Variants in WASHC2A observed in about 807,000 individuals in gnomAD.
The protein encoded by WASHC2A is WASH complex subunit 2A, also known as WASH complex subunit FAM21A.
WASHC2A carries 82 observed loss-of-function variants against 140.3 expected under a neutral mutation model. That is an observed-to-expected ratio of 0.58 (90% confidence interval 0.49 to 0.70). WASHC2A has a LOEUF of 0.70. Ranked by LOEUF, WASHC2A falls within the 30% of genes least tolerant of loss-of-function variation. The pLI is 0.00. For missense variants in WASHC2A, 985 were observed against 1,521.8 expected (o/e 0.65, Z 5.87); for synonymous variants, 340 against 560.8 (o/e 0.61, Z 5.56).
intron 21 of WASHC2A, among the ~76,000 whole-genome samples, chr10:50,114,471 A>G (rs1842529393): frequency 7.6e-6 from 1 of 131,758 alleles, no homozygotes; most frequent in African/African-American, 2.8e-5. Flanking sequence ...GTGGAATACT[A>G]TACAGTGGTA....
intron 28 of WASHC2A, 69 bp from the exon 29 acceptor site, chr10:50,129,350 T>G (rs1843725316): frequency 6.2e-7 from 1 of 1,611,882 alleles, no homozygotes; most frequent in Admixed American, 1.7e-5. Flanking sequence ...AGTCACTGAT[T>G]CTTTGCCATG....
chr10:50,131,981 ATGTT>A (rs1273500629), intron 30 of WASHC2A, among the ~76,000 whole-genome samples: 1 of 152,252 alleles, frequency 6.6e-6, no homozygotes, highest in Non-Finnish European at 1.5e-5. Context: ...ATATTAATAT[ATGTT>A]TGTGTACACA....
At chr10:50,087,599 CA>C (rs1381539444) in intron 8 of WASHC2A, among the ~76,000 whole-genome samples, 1 of 152,016 alleles carries the variant, frequency 6.6e-6, no homozygotes, top group African/African-American at 2.4e-5. Flanking sequence ...CTCAGTTACC[CA>C]AACTGAACTA....
intron 17 of WASHC2A, among the ~76,000 whole-genome samples, chr10:50,102,464 A>T: frequency 6.6e-6 from 1 of 152,108 alleles, no homozygotes; most frequent in Admixed American, 6.5e-5. Flanking sequence ...TCATTTTCTT[A>T]GAACAGCAGA....
At position 50,129,831 on chromosome 10, in the gene WASHC2A, C is replaced by G; in HGVS notation, c.3500C>G (p.Ala1167Gly). The G allele has an allele frequency of 6.2e-7, 1 of 1,612,050 alleles. No individual in the cohort carries two copies. The change falls in exon 29 of 31, where the codon GCA (alanine) becomes GGA (glycine). Residue 1167 changes from alanine to glycine, a missense_variant. Physicochemically the swap from Ala to Gly is moderately conservative, Grantham distance 60 (BLOSUM62 0). Coordinates refer to ENST00000282633, the MANE Select transcript of WASHC2A (RefSeq NM_001005751.3). The stretch of plus-strand genomic sequence containing the variant: ...GCCAACCCACCAGTGGGTGGTAAAG[C>G]AAAGAGCCCCATGTTTCCTGCTCTA... ...NPANPPVGGK[A>G]KSPMFPALGE...
intron 21 of WASHC2A, among the ~76,000 whole-genome samples, chr10:50,114,504 A>G (rs1842532634): frequency 7.6e-6 from 1 of 131,124 alleles, no homozygotes; most frequent in Non-Finnish European, 1.7e-5. Flanking sequence ...GGTGGAGCTT[A>G]TTGGGATGAA....
At chr10:50,090,516 A>ATATATATATATATT (rs1839819205) in intron 8 of WASHC2A, among the ~76,000 whole-genome samples, 1 of 42,306 alleles carries the variant, frequency 2.4e-5, no homozygotes, top group Non-Finnish European at 4.8e-5. Context: ...AAAAAAAAAA[A>ATATATATATATATT]TATATATATA....
intron 3 of WASHC2A, among the ~76,000 whole-genome samples, chr10:50,071,694 C>T (rs1837840461): frequency 6.7e-6 from 1 of 148,850 alleles, no homozygotes; most frequent in Non-Finnish European, 1.5e-5. Flanking sequence ...AAATGGGGAA[C>T]ATCATACAAT....
At chr10:50,109,032 C>G (rs1222262841) in intron 19 of WASHC2A, among the ~76,000 whole-genome samples, 5 of 150,938 alleles carry the variant, frequency 3.3e-5, no homozygotes, top group South Asian at 2.1e-4. Flanking sequence ...AGCGTTTAGT[C>G]ACTGCTAAAC....
chr10:50,114,379 G>T (rs1842520018), intron 21 of WASHC2A, among the ~76,000 whole-genome samples: 1 of 92,390 alleles, frequency 1.1e-5, no homozygotes. Context: ...ATTCTCACAT[G>T]TGCTACAAAA....
intron 27 of WASHC2A, 120 bp from the exon 28 acceptor site, chr10:50,127,463 A>G: frequency 1.2e-6 from 2 of 1,608,746 alleles, no homozygotes; most frequent in South Asian, 1.1e-5. Flanking sequence ...CGATTTTCCT[A>G]CGTTTCTCTA....
chr10:50,067,995 G>A lies in WASHC2A; in HGVS notation c.-11G>A, dbSNP rs550575227. Reference sequence around the variant, plus strand: ...TGGCAGCTTCGGAGCCCACCGAGCCGGGCGGCTAGGATGGTGAGGGCGCCG... The same window carrying A: ...TGGCAGCTTCGGAGCCCACCGAGCCAGGCGGCTAGGATGGTGAGGGCGCCG... On this transcript the variant is annotated 5_prime_UTR_variant, in exon 1 of 31. Transcript: ENST00000282633. The A allele has an allele frequency of 1.1e-5, 18 of 1,606,032 alleles. No homozygotes were observed. In the East Asian group the frequency reaches 2.0e-4, roughly 18 times the overall value.
chr10:50,093,364 T>A lies in WASHC2A; in HGVS notation c.1100T>A (p.Leu367His), dbSNP rs202043868. 74 of 1,436,792 alleles carry A rather than the reference T, an allele frequency of 5.2e-5. 16 individuals carry two copies. Among genetic ancestry groups the A allele is most frequent in the Non-Finnish European group, 6.6e-5 (69 of 1,039,134 alleles). The allele number at this position is 1,436,792 out of a possible 1,614,324, so 89.0% of individuals were successfully genotyped here. ...GGGLFSGGKG[L>H]FDDEDEESDL... ...GGCCTGTTCAGTGGGGGCAAGGGGC[T>A]CTTTGATGATGAGGACGAGGAGGTG... The change falls in exon 12 of 31, where the codon CTC becomes CAC. Residue 367 changes from leucine (L) to histidine (H), a missense_variant. Leu to His is a moderately conservative substitution (Grantham distance 99). Coordinates refer to ENST00000282633, the MANE Select transcript of WASHC2A (RefSeq NM_001005751.3).
intron 4 of WASHC2A, among the ~76,000 whole-genome samples, chr10:50,080,140 A>G (rs1316478372): frequency 1.3e-5 from 2 of 152,228 alleles, no homozygotes; most frequent in Non-Finnish European, 2.9e-5. Flanking sequence ...TGCAGGAAGA[A>G]GACACCTGAG....
At chr10:50,131,697 C>T (rs1843988780) in intron 30 of WASHC2A, among the ~76,000 whole-genome samples, 1 of 152,184 alleles carries the variant, frequency 6.6e-6, no homozygotes, top group Non-Finnish European at 1.5e-5. Flanking sequence ...TACACATTTC[C>T]TACTCTCCCC....
chr10:50,089,452 A>T (rs1249440703), intron 8 of WASHC2A, among the ~76,000 whole-genome samples: 104 of 151,418 alleles, frequency 6.9e-4, no homozygotes, highest in African/African-American at 2.4e-3. Flanking sequence ...TTAATTATAC[A>T]TAGTAGTGTG....
At chr10:50,107,503 C>G (rs1285789666) in intron 19 of WASHC2A, among the ~76,000 whole-genome samples, 1 of 150,950 alleles carries the variant, frequency 6.6e-6, no homozygotes, top group Non-Finnish European at 1.5e-5. Context: ...AATAATTCCT[C>G]TTTTTTTTTA....
At chr10:50,075,684 G>T (rs1364347516) in intron 3 of WASHC2A, among the ~76,000 whole-genome samples, 1 of 150,388 alleles carries the variant, frequency 6.6e-6, no homozygotes, top group Non-Finnish European at 1.5e-5. Context: ...GAACGTTTGT[G>T]TGTGTTTATG....
At position 50,132,942 on chromosome 10, in the gene WASHC2A, G is replaced by A. The variant is rs1242683458; in HGVS notation, c.4023G>A (p.Gln1341=). 6.2e-7 allele frequency: 1 copy of A among 1,612,034 alleles called. No individual in the cohort carries two copies. Among genetic ancestry groups the A allele is most frequent in the Admixed American group, 1.7e-5 (1 of 60,016 alleles). The change falls in exon 31 of 31, where the codon CAG becomes CAA. Residue 1341 remains glutamine, a synonymous_variant. Transcript: ENST00000282633. The part of the protein sequence containing the change: ...FDDPLNAFGG[Q] ...ATCCCCTGAATGCCTTTGGAGGCCA[G>A]TAGAGCACACAGGGTATCCACATGT...
Sources: gnomAD v4.1 joint callset for allele counts (sites outside exome capture counted in the v4.1 genomes callset) on GRCh38, gnomAD v4.1.1 for gene constraint, MANE v1.5 for transcripts, NCBI Gene and HGNC (gene_info 2026-07-23, HGNC 2026-07-21) for gene names.